ASAP1: variants seen among roughly 807,000 people sequenced by gnomAD.
ASAP1 encodes arf-GAP with SH3 domain, ANK repeat and PH domain-containing protein 1.
In ASAP1, 43 loss-of-function variants were observed where a neutral mutation model predicts 145.2. That is an observed-to-expected ratio of 0.30 (90% CI 0.23 to 0.38). The LOEUF (loss-of-function observed/expected upper bound fraction) is 0.38, where lower values mean the gene tolerates loss of function less well. Among genes scored for constraint, ASAP1 ranks in the 10% least tolerant of loss-of-function variants. The pLI is 1.00. For missense variants in ASAP1, 1,018 were observed against 1,355.3 expected, an observed-to-expected ratio of 0.75 and a Z score of 3.91; for synonymous variants, 546 against 515.5, an observed-to-expected ratio of 1.06 and a Z score of -0.80.
At chr8:130,085,934 C>T (rs901751575) in intron 25 of ASAP1, among the ~76,000 whole-genome samples, 10 of 152,124 alleles carry the variant, frequency 6.6e-5, no homozygotes, top group Non-Finnish European at 1.0e-4. Context: ...CTATTTTGGG[C>T]ACTGTGGATG....
intron 25 of ASAP1, among the ~76,000 whole-genome samples, chr8:130,080,986 G>A (rs2135325418): frequency 6.6e-6 from 1 of 152,336 alleles, no homozygotes; most frequent in East Asian, 1.9e-4. Context: ...ATGTGAAGCA[G>A]AAGGCACAAA....
chr8:130,116,897 T>C lies in ASAP1; in HGVS notation c.1979A>G (p.Lys660Arg), dbSNP rs776895112. Residue 660 changes from lysine to arginine, a missense_variant, in exon 21 of 30, where the codon AAG (lysine) becomes AGG (arginine). By Grantham distance (26) the Lys-to-Arg change is conservative. Around this residue, in one of 9 missense-constraint regions of ASAP1, gnomAD observed 353 missense variants for 375.4 expected, o/e 0.94. Transcript: ENST00000518721. ...PECLKLLLRS[K>R]PTVDIVNQAG... ...ACTCTTACCTATATCCACAGTGGGC[T>C]TGCTCCTGAGCAAAAGCTTCAAACA... 3 of 1,613,886 alleles carry C rather than the reference T, an allele frequency of 1.9e-6. No homozygotes were observed. The highest frequency in any genetic ancestry group is 1.3e-5 in the African/African-American group (1 of 75,052).
At chr8:130,362,944 G>A (rs1201037919) in intron 2 of ASAP1, among the ~76,000 whole-genome samples, 1 of 152,134 alleles carries the variant, frequency 6.6e-6, no homozygotes, top group Non-Finnish European at 1.5e-5. Context: ...TGATAGCATG[G>A]GGCATTTCTT....
At chr8:130,191,187 G>A (rs1815115535) in intron 5 of ASAP1, among the ~76,000 whole-genome samples, 1 of 152,102 alleles carries the variant, frequency 6.6e-6, no homozygotes, top group South Asian at 2.1e-4. Context: ...TGGCAGGAGG[G>A]AACCAAGGGA....
At chr8:130,090,495 C>T (rs1485500887) in intron 25 of ASAP1, among the ~76,000 whole-genome samples, 2 of 152,170 alleles carry the variant, frequency 1.3e-5, no homozygotes, top group Non-Finnish European at 2.9e-5. Flanking sequence ...CTCAATTGTT[C>T]TTGCCTGGCT....
At chr8:130,187,422 T>TG in intron 6 of ASAP1, 137 bp from the exon 7 acceptor site, 1 of 417,014 alleles carries the variant, frequency 2.4e-6, no homozygotes, top group Non-Finnish European at 4.2e-6. Flanking sequence ...GTTACACCAT[T>TG]TTTTTTTTTT....
Position 130,129,939 on chromosome 8 carries a change from T to C in ASAP1, c.1218-1849A>G, listed in dbSNP as rs189759719. ...TCAGTCTGAAGTTAGAAACTAGAAA[T>C]TGTTTTGTTAAAAACAAATCAAGAA... On this transcript the variant is annotated intron_variant, in intron 15 of 29. Coordinates refer to ENST00000518721, the MANE Select transcript of ASAP1 (RefSeq NM_018482.4). Among the ~76,000 whole-genome samples the C allele has an allele frequency of 5.2e-4, 79 of 152,302 alleles. 1 individual carries two copies. The highest frequency in any genetic ancestry group is 6.8e-4 in the Non-Finnish European group (46 of 68,026).
At chr8:130,377,728 AGAG>A (rs1827571426) in intron 2 of ASAP1, among the ~76,000 whole-genome samples, 1 of 152,204 alleles carries the variant, frequency 6.6e-6, no homozygotes, top group South Asian at 2.1e-4. Context: ...GCAGAAAGTC[AGAG>A]GAGGGGAGTG....
chr8:130,349,593 C>T (rs1008291039), intron 3 of ASAP1, among the ~76,000 whole-genome samples: 6 of 152,180 alleles, frequency 3.9e-5, no homozygotes, highest in South Asian at 2.1e-4. Flanking sequence ...ATACAATTAA[C>T]CTTGGCAAGA....
At chr8:130,231,569 G>C (rs1385424407) in intron 4 of ASAP1, among the ~76,000 whole-genome samples, 1 of 149,994 alleles carries the variant, frequency 6.7e-6, no homozygotes, top group East Asian at 1.9e-4. Flanking sequence ...TTTGAGCAAA[G>C]AAAAAAAAAG....
At chr8:130,179,461 G>C (rs143713549) in intron 8 of ASAP1, 112 bp from the exon 9 acceptor site, 6,724 of 664,932 alleles carry the variant, frequency 0.01, 67 homozygotes, top group Non-Finnish European at 0.014. Context: ...CCAAGCCTTG[G>C]TGTCCTTTAG....
intron 27 of ASAP1, among the ~76,000 whole-genome samples, chr8:130,070,430 A>T (rs940538422): frequency 6.6e-6 from 1 of 152,176 alleles, no homozygotes; most frequent in Non-Finnish European, 1.5e-5. Flanking sequence ...AACAGAAGGC[A>T]TGTAAATCTG....
At chr8:130,059,286 C>T (rs1177328476) in intron 28 of ASAP1, among the ~76,000 whole-genome samples, 1 of 152,016 alleles carries the variant, frequency 6.6e-6, no homozygotes, top group East Asian at 1.9e-4. Flanking sequence ...GCCTTAGCCT[C>T]CCAAGTAGCT....
intron 1 of ASAP1, among the ~76,000 whole-genome samples, chr8:130,432,279 T>C (rs1830165165): frequency 6.6e-6 from 1 of 152,024 alleles, no homozygotes; most frequent in African/African-American, 2.4e-5. Context: ...GGGAAAGGCT[T>C]TTCAGAGATG....
chr8:130,158,803 C>A (rs2097663157), intron 12 of ASAP1, among the ~76,000 whole-genome samples: 1 of 151,800 alleles, frequency 6.6e-6, no homozygotes, highest in South Asian at 2.1e-4. Context: ...GCGATCTCAG[C>A]TCACTGCAAG....
At chr8:130,065,836 T>C (rs763787803) in intron 27 of ASAP1, among the ~76,000 whole-genome samples, 8 of 152,226 alleles carry the variant, frequency 5.3e-5, no homozygotes, top group Non-Finnish European at 7.3e-5. Context: ...AATCGTGTAC[T>C]AGCCTCACTG....
At chr8:130,294,149 G>T (rs951838612) in intron 3 of ASAP1, among the ~76,000 whole-genome samples, 3 of 152,228 alleles carry the variant, frequency 2.0e-5, no homozygotes, top group Non-Finnish European at 4.4e-5. Context: ...CAACCAGAGA[G>T]AGAGGGCATT....
chr8:130,089,138 G>A (rs949271022), intron 25 of ASAP1, among the ~76,000 whole-genome samples: 13 of 152,146 alleles, frequency 8.5e-5, no homozygotes, highest in African/African-American at 2.9e-4. Context: ...GGAGTGGGGA[G>A]TTTTACTGGA....
chr8:130,353,849 C>A (rs1051826451), intron 3 of ASAP1, among the ~76,000 whole-genome samples: 1 of 148,736 alleles, frequency 6.7e-6, no homozygotes, highest in South Asian at 2.1e-4. Context: ...GCAGCCTCGG[C>A]GACAGAGTGA....
Sources: gnomAD v4.1 joint callset for allele counts (sites outside exome capture counted in the v4.1 genomes callset) on GRCh38, gnomAD v4.1.1 for gene constraint, gnomAD v4.1.1 regional missense constraint, MANE v1.5 for transcripts, NCBI Gene and HGNC (gene_info 2026-07-23, HGNC 2026-07-21) for gene names.